Variants in NF2 observed in about 807,000 individuals in gnomAD.
NF2 encodes the protein merlin.
NF2 carries 8 observed loss-of-function variants against 83.7 expected under a neutral mutation model. The ratio of observed to expected loss-of-function variants is 0.10; its 90% CI spans 0.06 to 0.17. The LOEUF (loss-of-function observed/expected upper bound fraction) is 0.17, where lower values mean the gene tolerates loss of function less well. Ranked by LOEUF, NF2 falls within the 10% of genes least tolerant of loss-of-function variation. NF2 has a pLI of 1.00. For missense variants in NF2, 533 were observed against 744.4 expected, an observed-to-expected ratio of 0.72 and a Z score of 3.31; for synonymous variants, 266 against 269.6, an observed-to-expected ratio of 0.99 and a Z score of 0.13.
chr22:29,666,419 G>A lies in NF2; in HGVS notation c.885+1355G>A, dbSNP rs191651557. ...CTCCCAAAGTGCTGGGATTACAGGCGTGAGCCACTGCACCCAGCCACTTCT... is the reference window on the plus strand; with the variant it reads ...CTCCCAAAGTGCTGGGATTACAGGCATGAGCCACTGCACCCAGCCACTTCT... On this transcript the variant is annotated intron_variant, in intron 9 of 15. Transcript: ENST00000338641. 3.2e-3 allele frequency among the ~76,000 whole-genome samples: 489 copies of A among 152,156 alleles called. 5 individuals carry two copies. The highest frequency in any genetic ancestry group is 0.023 in the South Asian group (110 of 4,822).
rs572089532 is a variant in NF2, at chr22:29,693,660, G to A, written c.1738-1092G>A. ...GTGAGCTGCTGATGGCAGAGAGTGA[G>A]CTCTCGGACCTTCTCAGCCGGGTGT... On this transcript the variant is annotated intron_variant, in intron 15 of 15. Transcript: ENST00000338641. 2.0e-5 allele frequency among the ~76,000 whole-genome samples: 3 copies of A among 152,344 alleles called. No homozygotes were observed. The South Asian group carries it at 6.2e-4, about 32-fold the overall frequency.
At chr22:29,625,527 T>C (rs539014916) in intron 1 of NF2, among the ~76,000 whole-genome samples, 1 of 152,340 alleles carries the variant, frequency 6.6e-6, no homozygotes, top group East Asian at 1.9e-4. Context: ...CTGCTAATCT[T>C]TCTAGCCAGC....
chr22:29,665,765 AAAAAAG>A (rs1218403873), intron 9 of NF2, among the ~76,000 whole-genome samples: 2 of 151,610 alleles, frequency 1.3e-5, no homozygotes, highest in East Asian at 1.9e-4. Context: ...GAAAAAAAAA[AAAAAAG>A]AAAAAGAAAA....
intron 1 of NF2, among the ~76,000 whole-genome samples, chr22:29,630,580 A>AGG (rs1214963068): frequency 6.6e-6 from 1 of 152,236 alleles, no homozygotes; most frequent in African/African-American, 2.4e-5. Context: ...CACCTTGAGG[A>AGG]GGAGGTCTGT....
At chr22:29,639,338 C>A in intron 3 of NF2, 126 bp downstream of exon 3, 1 of 1,214,376 alleles carries the variant, frequency 8.2e-7, no homozygotes, top group Admixed American at 1.7e-5. Context: ...GAAGGTCAGC[C>A]CCTTTGGTTC....
rs2067599919 is a variant in NF2, at chr22:29,697,959, G to A, written c.*3157G>A. ...AAAGAGCAGCGTCCTGACCATGGTG[G>A]TTTCATTACGAGCCCTTCTGCTGGC... On this transcript the variant is annotated 3_prime_UTR_variant, in exon 16 of 16. Coordinates refer to ENST00000338641, the MANE Select transcript of NF2 (RefSeq NM_000268.4). 4.4e-6 allele frequency: 1 copy of A among 226,056 alleles called. No individual in the cohort carries two copies. The highest frequency in any genetic ancestry group is 8.8e-6 in the Non-Finnish European group (1 of 113,440). The allele number at this position is 226,056 out of a possible 1,614,324, so 14.0% of individuals were successfully genotyped here. A position where few individuals can be genotyped will look rare whatever the true frequency, so the allele number is the denominator to read the frequency against.
intron 15 of NF2, among the ~76,000 whole-genome samples, chr22:29,690,346 A>C (rs1162319799): frequency 6.6e-6 from 1 of 152,074 alleles, no homozygotes; most frequent in Non-Finnish European, 1.5e-5. Flanking sequence ...TGTTTTTGTC[A>C]CACCACACAC....
Position 29,695,135 on chromosome 22 carries a change from A to C in NF2, c.*333A>C. 1 of 477,138 alleles carries C rather than the reference A, an allele frequency of 2.1e-6. No individual in the cohort carries two copies. The highest frequency in any genetic ancestry group is 2.2e-5 in the South Asian group (1 of 45,704). 29.6% of individuals were successfully genotyped at this position (477,138 alleles called of 1,614,324 possible). A position where few individuals can be genotyped will look rare whatever the true frequency, so the allele number is the denominator to read the frequency against. ...GTCTTGCACTCCAGAGCTGACCTCC[A>C]CCGCCCAGCCTGGGAAGTCATTGTA... is the stretch of plus-strand genomic sequence containing the variant. On this transcript the variant is annotated 3_prime_UTR_variant, in exon 16 of 16. Coordinates refer to ENST00000338641, the MANE Select transcript of NF2 (RefSeq NM_000268.4). The surrounding 1 kb of genome is among the most constrained non-coding windows in gnomAD (Gnocchi z 5.4).
intron 13 of NF2, among the ~76,000 whole-genome samples, chr22:29,677,289 G>A (rs562646049): frequency 6.6e-6 from 1 of 152,254 alleles, no homozygotes; most frequent in South Asian, 2.1e-4. Flanking sequence ...AAAGGCTTTG[G>A]TGAGAGATCG....
At chr22:29,663,206 T>C (rs1016551949) in intron 8 of NF2, among the ~76,000 whole-genome samples, 3 of 152,194 alleles carry the variant, frequency 2.0e-5, no homozygotes, top group African/African-American at 7.2e-5. Context: ...CGTATGGTAG[T>C]TTTTCATCTC....
intron 1 of NF2, among the ~76,000 whole-genome samples, chr22:29,619,721 A>G (rs997613003): frequency 6.6e-6 from 1 of 152,138 alleles, no homozygotes; most frequent in East Asian, 1.9e-4. Context: ...AGTAGTGCCT[A>G]TGGATGGCAT....
intron 1 of NF2, among the ~76,000 whole-genome samples, chr22:29,634,950 G>A (rs5763373): frequency 0.053 from 8,024 of 152,152 alleles, 513 homozygotes; most frequent in African/African-American, 0.14. Flanking sequence ...AATCCCTAAA[G>A]ACCTCAATCT....
chr22:29,698,360 C>A lies in NF2; in HGVS notation c.*3558C>A, dbSNP rs912059934. On this transcript the variant is annotated 3_prime_UTR_variant, in exon 16 of 16. Transcript: ENST00000338641. ...TCACTGACAGGGTGGGGCCTCACCA[C>A]CCCTGGAGGGAGCAGCGTTGGCAGG... is the stretch of plus-strand genomic sequence containing the variant. 9.1e-6 allele frequency: 2 copies of A among 220,948 alleles called. No homozygotes were observed. The highest frequency in any genetic ancestry group is 9.1e-6 in the Non-Finnish European group (1 of 110,318). 13.7% of individuals were successfully genotyped at this position (220,948 alleles called of 1,614,324 possible).
At chr22:29,609,455 TAAG>T (rs1238773625) in intron 1 of NF2, 1 of 367,164 alleles carries the variant, frequency 2.7e-6, no homozygotes, top group Admixed American at 3.4e-5. Flanking sequence ...ATCAGCCTGT[TAAG>T]AAACATTTGC....
In NF2 at chr22:29,603,783, C is replaced by T. The variant is rs1252486727; in HGVS notation, c.-216C>T. 3 of 555,784 alleles carry T rather than the reference C, an allele frequency of 5.4e-6. No individual in the cohort carries two copies. Among genetic ancestry groups the T allele is most frequent in the Admixed American group, 3.4e-5 (1 of 29,132 alleles). 34.4% of individuals were successfully genotyped at this position (555,784 alleles called of 1,614,324 possible). On this transcript the variant is annotated 5_prime_UTR_variant, in exon 1 of 16. Transcript: ENST00000338641. ...GGTCCCGGCTCCTGTGCCCTCCCTG[C>T]AGCCGTCAGGGCCCGTCCCCCAACT...
intron 15 of NF2, among the ~76,000 whole-genome samples, chr22:29,687,340 C>T (rs1430655701): frequency 6.6e-6 from 1 of 152,226 alleles, no homozygotes; most frequent in East Asian, 1.9e-4. Context: ...ACATTTATCT[C>T]AAGCGCCAGC....
chr22:29,639,254 C>T (rs771578995), intron 3 of NF2, 42 bp downstream of exon 3: 16 of 1,612,664 alleles, frequency 9.9e-6, no homozygotes, highest in Middle Eastern at 1.8e-4. Context: ...AGAGAACTTG[C>T]CCAGGAGTGG....
intron 1 of NF2, among the ~76,000 whole-genome samples, chr22:29,634,321 C>T (rs2065592828): frequency 6.6e-6 from 1 of 152,226 alleles, no homozygotes. Context: ...ATGCACTTCT[C>T]ACTGTATTGC....
chr22:29,620,509 G>GCAGGTGACCT (rs1458518260), intron 1 of NF2, among the ~76,000 whole-genome samples: 1 of 144,196 alleles, frequency 6.9e-6, no homozygotes, highest in Non-Finnish European at 1.6e-5. Flanking sequence ...GGAGGCTGAG[G>GCAGGTGACCT]CAGGTGGATC....
Sources: allele counts gnomAD v4.1 joint callset (sites outside exome capture counted in the v4.1 genomes callset), GRCh38; gene constraint gnomAD v4.1.1; non-coding constraint Gnocchi (gnomAD v3.1); transcripts MANE v1.5; gene names NCBI Gene and HGNC (gene_info 2026-07-23, HGNC 2026-07-21).